ELAPOR2: variants seen among roughly 807,000 people sequenced by gnomAD.
ELAPOR2 encodes the protein endosome-lysosome associated apoptosis and autophagy regulator family member 2.
In ELAPOR2, 89 loss-of-function variants were observed where a neutral mutation model predicts 120.7. The observed-to-expected ratio is 0.74, with a 90% CI of 0.62 to 0.88. The LOEUF is 0.88. Among genes scored for constraint, ELAPOR2 ranks in the 40% least tolerant of loss-of-function variants. ELAPOR2 has a pLI of 0.00. For missense variants in ELAPOR2, 1,134 were observed against 1,251.6 expected (o/e 0.91, Z 1.42); for synonymous variants, 444 against 444.9 (o/e 1.00, Z 0.03).
At chr7:86,898,154 T>A (rs189131977) in intron 18 of ELAPOR2, among the ~76,000 whole-genome samples, 1 of 152,122 alleles carries the variant, frequency 6.6e-6, no homozygotes, top group Non-Finnish European at 1.5e-5. Flanking sequence ...AGGAATATTA[T>A]TCAGCCATAA....
intron 1 of ELAPOR2, among the ~76,000 whole-genome samples, chr7:87,039,976 G>A (rs553757955): frequency 5.0e-4 from 76 of 152,318 alleles, no homozygotes; most frequent in African/African-American, 1.8e-3. Flanking sequence ...AGGGGTCAGG[G>A]AGTTCCCTTT....
intron 1 of ELAPOR2, among the ~76,000 whole-genome samples, chr7:87,033,347 A>G (rs1026797596): frequency 9.2e-5 from 14 of 152,350 alleles, no homozygotes; most frequent in Middle Eastern, 3.4e-3. Context: ...AAGATAATTA[A>G]CTGACAAAAC....
chr7:87,025,712 A>C (rs1231155177), intron 1 of ELAPOR2, among the ~76,000 whole-genome samples: 1 of 152,188 alleles, frequency 6.6e-6, no homozygotes, highest in African/African-American at 2.4e-5. Flanking sequence ...AATTTTTTAC[A>C]TAATATTGAA....
chr7:87,001,464 C>T (rs886102738), intron 1 of ELAPOR2, among the ~76,000 whole-genome samples: 1 of 152,176 alleles, frequency 6.6e-6, no homozygotes, highest in Non-Finnish European at 1.5e-5. Flanking sequence ...GACATGGAAA[C>T]AGCTCAGTTT....
rs188878688 is a variant in ELAPOR2, at chr7:86,987,078, A to T, written c.190-22054T>A. ...CCATCTGACCTTTGACAAACCTGACAAAAACAAGAAATGGGGAAAGGATTT... is the reference window on the plus strand; with the variant it reads ...CCATCTGACCTTTGACAAACCTGACTAAAACAAGAAATGGGGAAAGGATTT... On this transcript the variant is annotated intron_variant, in intron 1 of 21. Coordinates refer to ENST00000450689, the MANE Select transcript of ELAPOR2 (RefSeq NM_001142749.3). Among the ~76,000 whole-genome samples the T allele has an allele frequency of 5.2e-3, 795 of 152,106 alleles. 9 individuals are homozygous for T. Among genetic ancestry groups the T allele is most frequent in the African/African-American group, 0.019 (768 of 41,482 alleles).
chr7:86,891,104 GC>G (rs1788137552), intron 21 of ELAPOR2: 1 of 151,948 alleles, frequency 6.6e-6, no homozygotes, highest in South Asian at 2.1e-4. Flanking sequence ...TCCAAAGCCA[GC>G]AATATTTTAC....
intron 1 of ELAPOR2, among the ~76,000 whole-genome samples, chr7:86,977,609 G>C (rs1017166633): frequency 6.6e-6 from 1 of 152,150 alleles, no homozygotes; most frequent in African/African-American, 2.4e-5. Context: ...CAAGTTATCT[G>C]TTCCAAAATA....
At chr7:86,937,234 C>CAATT (rs766922235) in intron 8 of ELAPOR2, among the ~76,000 whole-genome samples, 13 of 152,072 alleles carry the variant, frequency 8.5e-5, no homozygotes, top group Non-Finnish European at 1.6e-4. Context: ...TTGCTCTTAA[C>CAATT]AATTCAAAGT....
chr7:86,968,284 G>A (rs1791989649), intron 1 of ELAPOR2, among the ~76,000 whole-genome samples: 1 of 152,102 alleles, frequency 6.6e-6, no homozygotes, highest in Admixed American at 6.6e-5. Context: ...AATTTTCAAA[G>A]GATCATTTAA....
chr7:86,954,382 C>T (rs532836810), intron 2 of ELAPOR2, among the ~76,000 whole-genome samples: 1 of 152,218 alleles, frequency 6.6e-6, no homozygotes, highest in African/African-American at 2.4e-5. Flanking sequence ...GCTTTTTCTT[C>T]CTCCAGAGAC....
At chr7:86,943,206 T>C (rs1425059190) in intron 4 of ELAPOR2, among the ~76,000 whole-genome samples, 2 of 151,834 alleles carry the variant, frequency 1.3e-5, no homozygotes, top group African/African-American at 4.8e-5. Flanking sequence ...AAAGCAGACG[T>C]CATATGTTAT....
chr7:86,932,777 C>G (rs921422880), intron 8 of ELAPOR2, among the ~76,000 whole-genome samples: 2 of 151,812 alleles, frequency 1.3e-5, no homozygotes, highest in Non-Finnish European at 2.9e-5. Context: ...TGAGTTAGGT[C>G]TTTTAAAGCT....
intron 1 of ELAPOR2, among the ~76,000 whole-genome samples, chr7:87,007,702 C>T (rs898951132): frequency 1.3e-4 from 20 of 152,212 alleles, no homozygotes; most frequent in South Asian, 8.3e-4. Context: ...AAGCCTAGAA[C>T]GGCTTGTGCC....
At position 86,913,111 on chromosome 7, in the gene ELAPOR2, G is replaced by C. The variant is rs1219700107; in HGVS notation, c.1825C>G (p.Leu609Val). The C allele has an allele frequency of 1.2e-6, 2 of 1,614,048 alleles. No individual in the cohort carries two copies. Among genetic ancestry groups the C allele is most frequent in the Non-Finnish European group, 1.7e-6 (2 of 1,180,000 alleles). Residue 609 changes from leucine to valine, a missense_variant, in exon 14 of 22, where the codon CTC becomes GTC. Leu to Val is a conservative substitution (Grantham distance 32). This residue lies in a region of ELAPOR2 where 831 missense variants were observed against 867.6 expected (regional missense o/e 0.96). Transcript: ENST00000450689. ...GVASSCRACA[L>V]GSEQSGSSCV... ...GATGAACCCGACTGTTCAGAACCGA[G>C]GGCACAGGCACGGCATGAGGACGCC... is the stretch of plus-strand genomic sequence containing the variant.
chr7:87,054,592 G>A (rs1483792815), intron 1 of ELAPOR2, among the ~76,000 whole-genome samples: 1 of 152,184 alleles, frequency 6.6e-6, no homozygotes, highest in Admixed American at 6.5e-5. Flanking sequence ...ACTTCCTACA[G>A]AAAGGATGTT....
At chr7:86,999,392 T>A (rs576302241) in intron 1 of ELAPOR2, among the ~76,000 whole-genome samples, 21 of 152,256 alleles carry the variant, frequency 1.4e-4, no homozygotes, top group African/African-American at 5.1e-4. Flanking sequence ...AAATTAAAAA[T>A]GTAATACCCC....
At chr7:86,961,417 A>G (rs1389873889) in intron 2 of ELAPOR2, among the ~76,000 whole-genome samples, 1 of 152,252 alleles carries the variant, frequency 6.6e-6, no homozygotes, top group Non-Finnish European at 1.5e-5. Context: ...TAAAAGGGAG[A>G]AATACATTAT....
At chr7:86,941,886 G>A in intron 5 of ELAPOR2, 132 bp downstream of exon 5, 1 of 561,580 alleles carries the variant, frequency 1.8e-6, no homozygotes, top group Non-Finnish European at 3.2e-6. Context: ...AGTTAATTTT[G>A]ATATTTTTTC....
chr7:86,906,652 T>C (rs925677217), intron 18 of ELAPOR2, among the ~76,000 whole-genome samples: 11 of 152,130 alleles, frequency 7.2e-5, no homozygotes, highest in African/African-American at 2.7e-4. Context: ...TTTAAAAATA[T>C]ATACTTTTGC....
Sources: allele counts gnomAD v4.1 joint callset (sites outside exome capture counted in the v4.1 genomes callset), GRCh38; gene constraint gnomAD v4.1.1; regional missense constraint gnomAD v4.1.1; transcripts MANE v1.5; gene names NCBI Gene and HGNC (gene_info 2026-07-23, HGNC 2026-07-21).